The following DOCK10 variants were observed in gnomAD, a reference collection of about 807,000 sequenced individuals.
The protein encoded by DOCK10 is dedicator of cytokinesis protein 10.
A neutral mutation model predicts 280.1 loss-of-function variants in DOCK10; 145 were observed. The ratio of observed to expected loss-of-function variants is 0.52; its 90% CI spans 0.45 to 0.59. DOCK10 has a LOEUF of 0.59. Among genes scored for constraint, DOCK10 ranks in the 20% least tolerant of loss-of-function variants. The pLI is 0.00. For synonymous variants in DOCK10, 915 were observed against 942.2 expected (o/e 0.97, Z 0.53); for missense variants, 2,368 against 2,651.7 (o/e 0.89, Z 2.35).
chr2:224,779,852 C>A (rs1169135581), intron 50 of DOCK10, among the ~76,000 whole-genome samples: 1 of 152,132 alleles, frequency 6.6e-6, no homozygotes, highest in Non-Finnish European at 1.5e-5. Context: ...TAGCAGAATT[C>A]TTGGCAATCA....
At chr2:224,794,501 G>A (rs1363902956) in intron 45 of DOCK10, among the ~76,000 whole-genome samples, 2 of 152,150 alleles carry the variant, frequency 1.3e-5, no homozygotes, top group Non-Finnish European at 2.9e-5. Flanking sequence ...AACTCACTAT[G>A]GTGGCAAGCT....
intron 51 of DOCK10, 95 bp from the exon 52 acceptor site, chr2:224,775,210 CTG>C: frequency 8.9e-7 from 1 of 1,118,226 alleles, no homozygotes; most frequent in Non-Finnish European, 1.3e-6. Flanking sequence ...CCAGAGGAGG[CTG>C]TGCCTCTCCC....
chr2:224,767,379 G>T (rs952627425), intron 55 of DOCK10, among the ~76,000 whole-genome samples: 3 of 152,132 alleles, frequency 2.0e-5, no homozygotes, highest in Non-Finnish European at 4.4e-5. Flanking sequence ...GGCCAGGCTG[G>T]TCTCGAACTC....
intron 1 of DOCK10, among the ~76,000 whole-genome samples, chr2:225,030,569 C>A (rs1043283997): frequency 6.6e-6 from 1 of 152,146 alleles, no homozygotes; most frequent in African/African-American, 2.4e-5. Flanking sequence ...GTGAGGCCTG[C>A]GTGTGCTACC....
At chr2:224,941,190 T>C (rs1389692754) in intron 1 of DOCK10, among the ~76,000 whole-genome samples, 1 of 150,768 alleles carries the variant, frequency 6.6e-6, no homozygotes, top group South Asian at 2.1e-4. Context: ...AAAAGAACAT[T>C]ACTGCTCTTT....
chr2:224,987,046 G>C (rs1705993983), intron 1 of DOCK10, among the ~76,000 whole-genome samples: 1 of 152,160 alleles, frequency 6.6e-6, no homozygotes, highest in African/African-American at 2.4e-5. Context: ...GCAGAACATG[G>C]TTTCCGCATT....
At chr2:224,990,000 T>C (rs1402795457) in intron 1 of DOCK10, among the ~76,000 whole-genome samples, 1 of 152,152 alleles carries the variant, frequency 6.6e-6, no homozygotes, top group African/African-American at 2.4e-5. Context: ...ATTTATTGAG[T>C]TGTACAATTA....
chr2:224,990,737 A>G (rs936645725), intron 1 of DOCK10, among the ~76,000 whole-genome samples: 3 of 152,210 alleles, frequency 2.0e-5, no homozygotes, highest in African/African-American at 4.8e-5. Flanking sequence ...GTAATGTGAC[A>G]CAAGTTCTAA....
chr2:224,971,522 C>A (rs1705080911), intron 1 of DOCK10, among the ~76,000 whole-genome samples: 1 of 152,110 alleles, frequency 6.6e-6, no homozygotes, highest in South Asian at 2.1e-4. Flanking sequence ...TGACTTTGGA[C>A]AAATGCAGTA....
intron 1 of DOCK10, among the ~76,000 whole-genome samples, chr2:224,937,634 C>CA (rs1448689255): frequency 2.0e-5 from 3 of 152,100 alleles, no homozygotes; most frequent in African/African-American, 7.2e-5. Flanking sequence ...TGAGTGAAGT[C>CA]AGTCTACTCT....
intron 47 of DOCK10, among the ~76,000 whole-genome samples, chr2:224,791,622 G>A (rs1229079317): frequency 3.4e-5 from 5 of 145,146 alleles, no homozygotes; most frequent in Non-Finnish European, 6.0e-5. Context: ...CTGCCACCAC[G>A]CCCGGCTAAT....
intron 1 of DOCK10, among the ~76,000 whole-genome samples, chr2:224,965,738 A>G (rs1433425665): frequency 2.6e-5 from 4 of 152,208 alleles, no homozygotes; most frequent in Admixed American, 6.5e-5. Context: ...AAACTTCCAT[A>G]TAGCATAAAA....
At chr2:225,011,659 C>G (rs532670134) in intron 1 of DOCK10, among the ~76,000 whole-genome samples, 64 of 152,236 alleles carry the variant, frequency 4.2e-4, no homozygotes, top group African/African-American at 1.5e-3. Context: ...GAAAATCAAC[C>G]AAGTCAAGTC....
At chr2:224,784,280 T>C (rs2125060818) in intron 50 of DOCK10, among the ~76,000 whole-genome samples, 1 of 152,310 alleles carries the variant, frequency 6.6e-6, no homozygotes, top group Non-Finnish European at 1.5e-5. Flanking sequence ...CACAGTTTTT[T>C]CAATATCTTG....
At chr2:224,864,522 A>G in intron 13 of DOCK10, 31 bp downstream of exon 13, 1 of 1,513,034 alleles carries the variant, frequency 6.6e-7, no homozygotes. Flanking sequence ...AAAAAAAAGG[A>G]AGTGAAGTTA....
intron 29 of DOCK10, among the ~76,000 whole-genome samples, chr2:224,817,433 T>C (rs1431031200): frequency 3.9e-5 from 6 of 152,180 alleles, no homozygotes; most frequent in Non-Finnish European, 8.8e-5. Flanking sequence ...TATTCACTAA[T>C]CTCAGCTCAC....
At position 224,916,359 on chromosome 2, in the gene DOCK10, G is replaced by A. The variant is rs532625491; in HGVS notation, c.333+336C>T. The stretch of plus-strand genomic sequence containing the variant: ...AGTTCGAGAGCAGCCTGGCCAACAT[G>A]GCGAAACCCTGTCTCTACTAAAAAT... On this transcript the variant is annotated intron_variant, in intron 3 of 55. Transcript: ENST00000258390. 3.9e-5 allele frequency among the ~76,000 whole-genome samples: 6 copies of A among 152,286 alleles called. No homozygotes were observed. In the South Asian group the frequency reaches 8.3e-4, roughly 21 times the overall value.
At chr2:224,796,491 C>G (rs761969475) in intron 43 of DOCK10, 65 bp from the exon 44 acceptor site, 1 of 999,598 alleles carries the variant, frequency 1.0e-6, no homozygotes, top group Non-Finnish European at 1.5e-6. Context: ...AAGAAATCCA[C>G]TGGGCTGGGT....
intron 4 of DOCK10, among the ~76,000 whole-genome samples, chr2:224,888,621 G>A (rs1699463320): frequency 1.3e-5 from 2 of 151,726 alleles, no homozygotes; most frequent in African/African-American, 4.8e-5. Context: ...ATATGTGTGT[G>A]AATATATGTG....
Sources: gnomAD v4.1 joint callset for allele counts (sites outside exome capture counted in the v4.1 genomes callset) on GRCh38, gnomAD v4.1.1 for gene constraint, MANE v1.5 for transcripts, NCBI Gene and HGNC (gene_info 2026-07-23, HGNC 2026-07-21) for gene names.